DNMBP: variants seen among roughly 807,000 people sequenced by gnomAD.
The protein encoded by DNMBP is dynamin binding protein.
Under a neutral mutation model 150.0 loss-of-function variants are expected in DNMBP, and 87 were observed. That is an observed-to-expected ratio of 0.58 (90% CI 0.49 to 0.69). DNMBP has a LOEUF of 0.69. Ranked by LOEUF, DNMBP falls within the 30% of genes least tolerant of loss-of-function variation. The pLI is 0.00. For missense variants in DNMBP, 1,774 were observed against 1,949.0 expected, an observed-to-expected ratio of 0.91 and a Z score of 1.69; for synonymous variants, 711 against 750.4, an observed-to-expected ratio of 0.95 and a Z score of 0.86.
intron 10 of DNMBP, among the ~76,000 whole-genome samples, chr10:99,895,555 CCTT>C (rs1564721842): frequency 6.6e-6 from 1 of 152,230 alleles, no homozygotes; most frequent in East Asian, 1.9e-4. Context: ...CACAGGCCCT[CCTT>C]TAAACCTTCT....
intron 7 of DNMBP, 88 bp from the exon 8 acceptor site, chr10:99,898,848 G>A (rs2039698098): frequency 1.6e-6 from 2 of 1,272,446 alleles, no homozygotes; most frequent in Non-Finnish European, 1.1e-6. Context: ...CATAAATCAT[G>A]TGGGACAAAA....
chr10:99,965,374 T>A (rs1354424015), intron 3 of DNMBP, among the ~76,000 whole-genome samples: 1 of 152,186 alleles, frequency 6.6e-6, no homozygotes, highest in Non-Finnish European at 1.5e-5. Flanking sequence ...TAGACATCTA[T>A]AAATTACACA....
chr10:99,931,018 T>C (rs547118616), intron 4 of DNMBP: 4 of 375,258 alleles, frequency 1.1e-5, no homozygotes, highest in South Asian at 1.1e-4. Context: ...ATGCATGTGA[T>C]TGGAGTTGCC....
intron 1 of DNMBP, among the ~76,000 whole-genome samples, chr10:99,997,764 T>C (rs1284844798): frequency 6.6e-6 from 1 of 151,024 alleles, no homozygotes; most frequent in Non-Finnish European, 1.5e-5. Flanking sequence ...CTGGGCAACA[T>C]GGCAAAACCA....
chr10:99,883,372 C>G (rs2039398817), intron 15 of DNMBP, among the ~76,000 whole-genome samples: 1 of 151,922 alleles, frequency 6.6e-6, no homozygotes, highest in African/African-American at 2.4e-5. Context: ...TTCATGGAAA[C>G]TGGAAGAGGT....
chr10:99,902,619 TAAAA>T (rs559947538), intron 6 of DNMBP, among the ~76,000 whole-genome samples: 4 of 125,202 alleles, frequency 3.2e-5, no homozygotes, highest in African/African-American at 9.0e-5. Context: ...TGCCTCCCTT[TAAAA>T]AAAAAAAAAA....
intron 1 of DNMBP, among the ~76,000 whole-genome samples, chr10:99,979,678 G>A (rs187784583): frequency 6.6e-6 from 1 of 152,286 alleles, no homozygotes; most frequent in African/African-American, 2.4e-5. Context: ...TCTTAGAGGA[G>A]CATTTTAAAA....
At chr10:99,891,793 G>C (rs1431349439) in intron 11 of DNMBP, among the ~76,000 whole-genome samples, 1 of 146,896 alleles carries the variant, frequency 6.8e-6, no homozygotes, top group Non-Finnish European at 1.5e-5. Context: ...GCCGCCCATC[G>C]TCTGAGACGT....
intron 1 of DNMBP, among the ~76,000 whole-genome samples, chr10:99,983,637 C>T (rs556419521): frequency 6.6e-6 from 1 of 152,350 alleles, no homozygotes; most frequent in South Asian, 2.1e-4. Context: ...GCCTCCTACC[C>T]TGCGTGCCCC....
chr10:99,951,280 G>T (rs542520284), intron 4 of DNMBP, among the ~76,000 whole-genome samples: 25 of 152,242 alleles, frequency 1.6e-4, no homozygotes, highest in Non-Finnish European at 2.6e-4. Context: ...TGCTGCAGGT[G>T]CAGGGCTCTC....
chr10:99,937,057 C>T (rs1483184713), intron 4 of DNMBP, among the ~76,000 whole-genome samples: 2 of 152,082 alleles, frequency 1.3e-5, no homozygotes, highest in Non-Finnish European at 1.5e-5. Context: ...CCCGCCACCA[C>T]GCCCAGCTAA....
chr10:99,948,964 A>AT (rs2040389557), intron 4 of DNMBP, among the ~76,000 whole-genome samples: 1 of 134,900 alleles, frequency 7.4e-6, no homozygotes, highest in Non-Finnish European at 1.6e-5. Flanking sequence ...ACTCCATCTC[A>AT]AAAATAAATA....
chr10:99,981,755 G>C (rs78458344), intron 1 of DNMBP, among the ~76,000 whole-genome samples: 4 of 152,182 alleles, frequency 2.6e-5, no homozygotes, highest in Non-Finnish European at 5.9e-5. Flanking sequence ...CTGGCTTTCA[G>C]TTGGGTTCAG....
intron 16 of DNMBP, 23 bp downstream of exon 16, chr10:99,879,788 T>C (rs919870520): frequency 6.2e-7 from 1 of 1,610,242 alleles, no homozygotes; most frequent in Non-Finnish European, 8.5e-7. Flanking sequence ...TGTGCCACAG[T>C]GGCAGGCCTC....
chr10:99,931,532 G>T (rs1042010293), intron 4 of DNMBP, among the ~76,000 whole-genome samples: 2 of 152,196 alleles, frequency 1.3e-5, no homozygotes, highest in Non-Finnish European at 2.9e-5. Flanking sequence ...AATGGAGTTA[G>T]GTATGCTTTC....
intron 1 of DNMBP, among the ~76,000 whole-genome samples, chr10:99,984,800 T>C (rs1179546767): frequency 6.6e-6 from 1 of 152,214 alleles, no homozygotes; most frequent in Non-Finnish European, 1.5e-5. Context: ...TGATCACGGC[T>C]CACTGCAGCC....
intron 11 of DNMBP, 132 bp downstream of exon 11, chr10:99,894,814 A>G: frequency 1.5e-6 from 1 of 647,680 alleles, no homozygotes; most frequent in Non-Finnish European, 2.6e-6. Context: ...ATCTCAACAA[A>G]AAGTATGATG....
At chr10:99,936,394 C>T (rs1039349564) in intron 4 of DNMBP, among the ~76,000 whole-genome samples, 1 of 151,978 alleles carries the variant, frequency 6.6e-6, no homozygotes, top group Non-Finnish European at 1.5e-5. Context: ...TTTAAGATCT[C>T]ATTATAATAT....
intron 6 of DNMBP, among the ~76,000 whole-genome samples, chr10:99,905,975 AG>A (rs1416701179): frequency 6.6e-6 from 1 of 152,206 alleles, no homozygotes; most frequent in Non-Finnish European, 1.5e-5. Flanking sequence ...GTCTAAAAAA[AG>A]AAGAAACAAC....
Sources: allele counts gnomAD v4.1 joint callset (sites outside exome capture counted in the v4.1 genomes callset), GRCh38; gene constraint gnomAD v4.1.1; transcripts MANE v1.5; gene names NCBI Gene and HGNC (gene_info 2026-07-23, HGNC 2026-07-21).